The following TIAM1 variants were observed in gnomAD, a reference collection of about 807,000 sequenced individuals.
TIAM1 encodes the protein TIAM Rac1 associated GEF 1, also known as rho guanine nucleotide exchange factor TIAM1.
In TIAM1, 65 loss-of-function variants were observed where a neutral mutation model predicts 163.5. That is an observed-to-expected ratio of 0.40 (90% CI 0.33 to 0.49). TIAM1 has a LOEUF of 0.49. Ranked by LOEUF, TIAM1 falls within the 20% of genes least tolerant of loss-of-function variation. The probability of loss-of-function intolerance (pLI) is 0.77; values close to 1 mark genes in which losing one functional copy is unlikely to be tolerated. For missense variants in TIAM1, 1,789 were observed against 2,044.7 expected (o/e 0.87, Z 2.41); for synonymous variants, 833 against 810.1 (o/e 1.03, Z -0.48).
chr21:31,299,823 TA>T (rs1215490360), intron 2 of TIAM1, among the ~76,000 whole-genome samples: 2 of 152,164 alleles, frequency 1.3e-5, no homozygotes, highest in Non-Finnish European at 2.9e-5. Flanking sequence ...ATGGGAATAA[TA>T]AGAGTACATG....
chr21:31,275,525 T>G (rs2073259234), intron 3 of TIAM1, among the ~76,000 whole-genome samples: 1 of 152,228 alleles, frequency 6.6e-6, no homozygotes. Flanking sequence ...TATATTTCAA[T>G]GGCACACTGA....
At chr21:31,337,510 T>C (rs1295917081) in intron 2 of TIAM1, among the ~76,000 whole-genome samples, 3 of 136,114 alleles carry the variant, frequency 2.2e-5, no homozygotes, top group Non-Finnish European at 1.5e-5. Flanking sequence ...TTTATTATTA[T>C]TATTGTTGTT....
At chr21:31,302,325 A>T (rs2074538277) in intron 2 of TIAM1, among the ~76,000 whole-genome samples, 1 of 152,222 alleles carries the variant, frequency 6.6e-6, no homozygotes, top group Non-Finnish European at 1.5e-5. Flanking sequence ...CAAATGCAAC[A>T]TTTCAACCTT....
intron 20 of TIAM1, among the ~76,000 whole-genome samples, chr21:31,143,655 C>T (rs2082967518): frequency 6.6e-6 from 1 of 151,644 alleles, no homozygotes. Flanking sequence ...AAATGTCTTT[C>T]CATCCCCAGT....
intron 12 of TIAM1, among the ~76,000 whole-genome samples, chr21:31,202,340 C>G (rs2086242304): frequency 6.6e-6 from 1 of 151,720 alleles, no homozygotes; most frequent in Admixed American, 6.6e-5. Flanking sequence ...TCACTTGAGC[C>G]CAGGAGTTCA....
chr21:31,516,684 AAG>A (rs1569404743), intron 1 of TIAM1, among the ~76,000 whole-genome samples: 1 of 151,556 alleles, frequency 6.6e-6, no homozygotes, highest in Non-Finnish European at 1.5e-5. Context: ...AAAAAAAAAA[AAG>A]AAGGAGAAGA....
chr21:31,259,615 T>G (rs2072332740), intron 4 of TIAM1, among the ~76,000 whole-genome samples: 1 of 134,130 alleles, frequency 7.5e-6, no homozygotes, highest in African/African-American at 2.8e-5. Context: ...CAGCAAGACC[T>G]GTCTAAAAAA....
chr21:31,328,016 C>T (rs545312081), intron 2 of TIAM1, among the ~76,000 whole-genome samples: 1 of 152,216 alleles, frequency 6.6e-6, no homozygotes, highest in South Asian at 2.1e-4. Flanking sequence ...TTGCTCTTTC[C>T]ACCCAAACTT....
intron 2 of TIAM1, among the ~76,000 whole-genome samples, chr21:31,382,959 G>A (rs906825984): frequency 6.6e-6 from 1 of 152,128 alleles, no homozygotes; most frequent in East Asian, 1.9e-4. Flanking sequence ...TAAAACATAG[G>A]CCAGGCGTGG....
At chr21:31,219,187 A>G (rs1418938624) in intron 8 of TIAM1, among the ~76,000 whole-genome samples, 2 of 151,896 alleles carry the variant, frequency 1.3e-5, no homozygotes, top group Non-Finnish European at 2.9e-5. Context: ...GGACTCCAGA[A>G]AGTCCTCCCA....
intron 11 of TIAM1, among the ~76,000 whole-genome samples, chr21:31,205,301 G>A (rs531681891): frequency 6.6e-6 from 1 of 152,174 alleles, no homozygotes; most frequent in African/African-American, 2.4e-5. Context: ...GGAAAGAAAT[G>A]AAATTTCATG....
chr21:31,355,937 A>C (rs1358161889), intron 2 of TIAM1, among the ~76,000 whole-genome samples: 1 of 152,140 alleles, frequency 6.6e-6, no homozygotes, highest in Non-Finnish European at 1.5e-5. Flanking sequence ...CATAAGCCCC[A>C]CAAGAGCAGG....
intron 1 of TIAM1, among the ~76,000 whole-genome samples, chr21:31,488,170 C>T (rs2046340709): frequency 6.6e-6 from 1 of 152,216 alleles, no homozygotes; most frequent in Non-Finnish European, 1.5e-5. Flanking sequence ...GCTGAGAAGG[C>T]AGGAGACTGT....
At chr21:31,506,120 T>C (rs563228422) in intron 1 of TIAM1, among the ~76,000 whole-genome samples, 1 of 151,608 alleles carries the variant, frequency 6.6e-6, no homozygotes, top group East Asian at 1.9e-4. Context: ...CAGGCACTGA[T>C]GGCTGCCCTC....
intron 3 of TIAM1, among the ~76,000 whole-genome samples, chr21:31,272,454 AT>A (rs1420292897): frequency 6.6e-6 from 1 of 151,342 alleles, no homozygotes. Flanking sequence ...GCTTTTATAG[AT>A]TTATTAGGCT....
intron 2 of TIAM1, among the ~76,000 whole-genome samples, chr21:31,453,863 C>T (rs1385917824): frequency 2.0e-5 from 3 of 152,106 alleles, no homozygotes; most frequent in Admixed American, 6.5e-5. Flanking sequence ...TGCTTGACCT[C>T]GCTGAACCTT....
intron 6 of TIAM1, among the ~76,000 whole-genome samples, chr21:31,233,955 T>C (rs1300367791): frequency 6.6e-6 from 1 of 152,136 alleles, no homozygotes; most frequent in East Asian, 1.9e-4. Flanking sequence ...AAGAAAAGAC[T>C]CACAAATAAT....
At chr21:31,367,325 T>G (rs2076520649) in intron 2 of TIAM1, among the ~76,000 whole-genome samples, 1 of 152,186 alleles carries the variant, frequency 6.6e-6, no homozygotes, top group African/African-American at 2.4e-5. Flanking sequence ...TAGGTAGGTC[T>G]GTCAGTAACT....
chr21:31,376,923 A>T (rs777580236), intron 2 of TIAM1, among the ~76,000 whole-genome samples: 30 of 151,566 alleles, frequency 2.0e-4, no homozygotes, highest in South Asian at 4.2e-4. Flanking sequence ...CAGTGGCACG[A>T]TCTCAGCTCA....
Sources: gnomAD v4.1 joint callset for allele counts (sites outside exome capture counted in the v4.1 genomes callset) on GRCh38, gnomAD v4.1.1 for gene constraint, MANE v1.5 for transcripts, NCBI Gene and HGNC (gene_info 2026-07-23, HGNC 2026-07-21) for gene names.